PDXDC1: variants seen among roughly 807,000 people sequenced by gnomAD.
PDXDC1 encodes the protein pyridoxal-dependent decarboxylase domain-containing protein 1.
In PDXDC1, 42 loss-of-function variants were observed where a neutral mutation model predicts 100.1. That is an observed-to-expected ratio of 0.42 (90% CI 0.33 to 0.54). The LOEUF (loss-of-function observed/expected upper bound fraction) is 0.54, where lower values mean the gene tolerates loss of function less well. Ranked by LOEUF, PDXDC1 falls within the 20% of genes least tolerant of loss-of-function variation. PDXDC1 has a pLI of 0.10. For missense variants in PDXDC1, 636 were observed against 979.2 expected (o/e 0.65, Z 4.68); for synonymous variants, 260 against 371.7 (o/e 0.70, Z 3.46).
intron 16 of PDXDC1, chr16:15,047,877 G>T: frequency 3.7e-6 from 6 of 1,613,518 alleles, no homozygotes; most frequent in Non-Finnish European, 5.1e-6. Flanking sequence ...GGACCACAAT[G>T]TGACAAGTAG....
At chr16:15,025,744 T>G (rs1327608549) in intron 13 of PDXDC1, 3 of 152,834 alleles carry the variant, frequency 2.0e-5, no homozygotes, top group African/African-American at 7.2e-5. Flanking sequence ...TTAGAGATCT[T>G]CCCCCTCCAG....
intron 7 of PDXDC1, chr16:15,009,365 A>C: frequency 2.1e-6 from 1 of 466,856 alleles, no homozygotes; most frequent in Non-Finnish European, 3.6e-6. Flanking sequence ...AGTGAGTAAT[A>C]GTAGAGATAC....
At chr16:15,145,323 C>T in the PDXDC1 span, among the ~76,000 whole-genome samples, 1 of 152,254 alleles carries the variant, frequency 6.6e-6, no homozygotes, top group South Asian at 2.1e-4. Flanking sequence ...ATGGCACGAG[C>T]CATCCTGAGG....
At chr16:15,085,781 CA>C in intron 16 of PDXDC1, 1 of 1,557,496 alleles carries the variant, frequency 6.4e-7, no homozygotes, top group Non-Finnish European at 8.7e-7. Context: ...CTGACCTAGA[CA>C]ATGAACAGCT....
intron 1 of PDXDC1, among the ~76,000 whole-genome samples, chr16:14,983,572 CAAAAAAAAAAAAA>C (rs56258905): frequency 9.0e-5 from 8 of 88,406 alleles, no homozygotes; most frequent in East Asian, 1.1e-3. Context: ...GACTCCGTCT[CAAAAAAAAAAAAA>C]AAAAAAAAAA....
intron 1 of PDXDC1, among the ~76,000 whole-genome samples, chr16:14,987,587 G>A (rs1203452175): frequency 2.4e-4 from 36 of 152,398 alleles, no homozygotes; most frequent in Middle Eastern, 3.4e-3. Flanking sequence ...TTCTTCCGAG[G>A]AACTTGACAT....
intron 16 of PDXDC1, among the ~76,000 whole-genome samples, chr16:15,097,681 T>A (rs1490964973): frequency 2.6e-5 from 4 of 150,996 alleles, no homozygotes; most frequent in Non-Finnish European, 5.9e-5. Context: ...CCTGTGAACA[T>A]ATCGCCCAAT....
At chr16:15,140,095 C>CAAAAAAAAAAAAAA (rs372891971), downstream of PDXDC1, among the ~76,000 whole-genome samples, 5 of 43,818 alleles carry the variant, frequency 1.1e-4, no homozygotes, top group Non-Finnish European at 1.8e-4. Context: ...GACTCCATCT[C>CAAAAAAAAAAAAAA]AAAAAAAAAA....
At chr16:15,027,619 G>A (rs1440649176) in intron 14 of PDXDC1, among the ~76,000 whole-genome samples, 1 of 152,298 alleles carries the variant, frequency 6.6e-6, no homozygotes, top group Non-Finnish European at 1.5e-5. Context: ...GATTTCCCTT[G>A]GAGTTGGGCC....
In PDXDC1 at chr16:15,038,007, G is replaced by A. The variant is rs761638598; in HGVS notation, c.*1732G>A. 3.8e-6 allele frequency: 6 copies of A among 1,587,264 alleles called. No individual in the cohort carries two copies. Among genetic ancestry groups the A allele is most frequent in the Non-Finnish European group, 3.4e-6 (4 of 1,160,106 alleles). ...CAATGGTCTGTCAGGCCAAGAAGGT[G>A]CTTTCTTTGGTAATTCATGTTTTTT... On this transcript the variant is annotated 3_prime_UTR_variant, in exon 23 of 23. Coordinates refer to ENST00000396410, the MANE Select transcript of PDXDC1 (RefSeq NM_015027.4).
intron 16 of PDXDC1, chr16:15,055,697 C>T: frequency 2.7e-6 from 1 of 373,186 alleles, no homozygotes; most frequent in Non-Finnish European, 4.8e-6. Context: ...GAGTGGCCTC[C>T]GGGGCAGCCC....
chr16:14,978,090 C>G (rs1189595597), intron 1 of PDXDC1, among the ~76,000 whole-genome samples: 3 of 151,864 alleles, frequency 2.0e-5, no homozygotes, highest in Admixed American at 6.6e-5. Flanking sequence ...GCCATTTTCT[C>G]GTCACGATTT....
At chr16:15,012,227 C>T (rs1216724284) in intron 8 of PDXDC1, among the ~76,000 whole-genome samples, 1 of 152,236 alleles carries the variant, frequency 6.6e-6, no homozygotes, top group African/African-American at 2.4e-5. Context: ...CCTTAGCCTC[C>T]CGAGTACCTG....
At chr16:15,001,037 T>C (rs1973036661) in intron 3 of PDXDC1, among the ~76,000 whole-genome samples, 1 of 152,108 alleles carries the variant, frequency 6.6e-6, no homozygotes, top group South Asian at 2.1e-4. Context: ...AAGATTCAAA[T>C]GAAATGTATA....
At chr16:14,979,102 T>A (rs1229695434) in intron 1 of PDXDC1, among the ~76,000 whole-genome samples, 1 of 152,304 alleles carries the variant, frequency 6.6e-6, no homozygotes, top group East Asian at 1.9e-4. Flanking sequence ...TGGTCACCAC[T>A]AGCCATATTT....
intron 1 of PDXDC1, among the ~76,000 whole-genome samples, chr16:14,977,981 A>G (rs1967076929): frequency 6.6e-6 from 1 of 152,258 alleles, no homozygotes; most frequent in Admixed American, 6.5e-5. Context: ...GTATGCGATC[A>G]TCATTTAGTA....
intron 16 of PDXDC1, chr16:15,094,449 T>C (rs1215141512): frequency 1.7e-6 from 1 of 588,216 alleles, no homozygotes; most frequent in Non-Finnish European, 3.0e-6. Context: ...AGTGCGTGAG[T>C]ATAAGGAGAG....
chr16:15,016,000 A>G, intron 8 of PDXDC1, 129 bp from the exon 9 acceptor site: 1 of 1,487,806 alleles, frequency 6.7e-7, no homozygotes, highest in South Asian at 1.4e-5. Context: ...TCCACAAAGA[A>G]AATCTCAATA....
intron 16 of PDXDC1, among the ~76,000 whole-genome samples, chr16:15,070,478 G>A (rs1443654024): frequency 6.6e-6 from 1 of 151,792 alleles, no homozygotes; most frequent in Non-Finnish European, 1.5e-5. Flanking sequence ...GACCTTCTAG[G>A]AACAGGTGAG....
Sources: allele counts gnomAD v4.1 joint callset (sites outside exome capture counted in the v4.1 genomes callset), GRCh38; gene constraint gnomAD v4.1.1; transcripts MANE v1.5; gene names NCBI Gene and HGNC (gene_info 2026-07-23, HGNC 2026-07-21).